The following WDR5 variants were observed in gnomAD, a reference collection of about 807,000 sequenced individuals.
WDR5 encodes WD repeat domain 5, also known as WD repeat-containing protein 5.
For missense variants in WDR5, 187 were observed against 416.9 expected (o/e 0.45, Z 4.80); for synonymous variants, 144 against 161.6 (o/e 0.89, Z 0.83).
chr9:134,143,954 C>A (rs911663291), intron 7 of WDR5, among the ~76,000 whole-genome samples: 1 of 152,184 alleles, frequency 6.6e-6, no homozygotes, highest in Non-Finnish European at 1.5e-5. Flanking sequence ...AGTTTCTTGG[C>A]CAATCCTGCC....
chr9:134,142,609 A>G (rs1381104722), intron 6 of WDR5, 27 bp from the exon 7 acceptor site: 8 of 1,613,404 alleles, frequency 5.0e-6, no homozygotes, highest in Middle Eastern at 1.6e-4. Context: ...CTTCCTGTAA[A>G]ATCACTGTCA....
intron 4 of WDR5, 47 bp from the exon 5 acceptor site, chr9:134,141,902 T>G (rs1831909932): frequency 6.4e-7 from 1 of 1,563,362 alleles, no homozygotes; most frequent in Admixed American, 1.7e-5. Context: ...TTGCCGATGG[T>G]CCTATTTTGT....
intron 1 of WDR5, 53 bp downstream of exon 1, chr9:134,136,253 G>A (rs1182504604): frequency 2.7e-5 from 4 of 148,806 alleles, no homozygotes; most frequent in African/African-American, 7.3e-5. Flanking sequence ...GCGGGGCGGC[G>A]CCAGAAGCTT....
At chr9:134,156,408 G>T (rs1043567111) in intron 12 of WDR5, 98 bp from the exon 13 acceptor site, 3 of 1,227,600 alleles carry the variant, frequency 2.4e-6, no homozygotes, top group African/African-American at 3.0e-5. Flanking sequence ...AGCAGGGTGG[G>T]CGTGGGGCAG....
chr9:134,142,754 G>A (rs116175364), intron 7 of WDR5, 35 bp downstream of exon 7: 23,459 of 1,604,990 alleles, frequency 0.015, 227 homozygotes, highest in Non-Finnish European at 0.017. Context: ...GTGGTGTCCA[G>A]CACTACGTTT....
At position 134,156,553 on chromosome 9, in the gene WDR5, T is replaced by C; in HGVS notation, c.864T>C (p.Leu288=). The change falls in exon 13 of 14, where the codon CTT becomes CTC. Residue 288 remains leucine (L), a synonymous_variant. Coordinates refer to ENST00000358625, the MANE Select transcript of WDR5 (RefSeq NM_017588.3). ...ATAACCTTGTTTACATCTGGAACCT[T>C]CAGACGAAAGAGATTGTACAGAAAC... ...SEDNLVYIWN[L]QTKEIVQKLQ... is the part of the protein sequence containing the mutation. 6.2e-7 allele frequency: 1 copy of C among 1,614,242 alleles called. No homozygotes were observed. The highest frequency in any genetic ancestry group is 8.5e-7 in the Non-Finnish European group (1 of 1,180,046).
At chr9:134,144,730 C>T (rs930781538) in intron 7 of WDR5, among the ~76,000 whole-genome samples, 3 of 152,020 alleles carry the variant, frequency 2.0e-5, no homozygotes, top group Non-Finnish European at 4.4e-5. Flanking sequence ...GTCCCAGCTA[C>T]TTGGAGGACG....
At chr9:134,155,194 T>A in intron 10 of WDR5, 146 bp from the exon 11 acceptor site, 1 of 951,276 alleles carries the variant, frequency 1.1e-6, no homozygotes, top group Non-Finnish European at 1.5e-6. Flanking sequence ...GAGGGGCTCC[T>A]TACCCTGATG....
chr9:134,155,564 G>T, intron 11 of WDR5, 129 bp from the exon 12 acceptor site: 1 of 1,258,156 alleles, frequency 7.9e-7, no homozygotes, highest in Non-Finnish European at 1.1e-6. Flanking sequence ...CTTCGATTGT[G>T]TGGGTTTGGT....
intron 7 of WDR5, among the ~76,000 whole-genome samples, chr9:134,147,647 C>T (rs1216177959): frequency 6.6e-6 from 1 of 152,124 alleles, no homozygotes; most frequent in Non-Finnish European, 1.5e-5. Flanking sequence ...CCTTGTGTGG[C>T]TTGATTTCAC....
intron 8 of WDR5, among the ~76,000 whole-genome samples, chr9:134,149,738 G>A (rs1168054890): frequency 6.6e-6 from 1 of 152,226 alleles, no homozygotes; most frequent in African/African-American, 2.4e-5. Flanking sequence ...CTTTGATGAG[G>A]CTAGTAATGA....
chr9:134,155,320 C>T lies in WDR5; in HGVS notation c.708-20C>T. The stretch of plus-strand genomic sequence containing the variant: ...GGATGCCTCCAGACATGCCGCCTCA[C>T]CCCTCTCTCTGTCTTGCAGCACTCT... On this transcript the variant is annotated intron_variant, in intron 10 of 13. Coordinates refer to ENST00000358625, the MANE Select transcript of WDR5 (RefSeq NM_017588.3). 1.9e-6 allele frequency: 3 copies of T among 1,590,230 alleles called. No individual in the cohort carries two copies. Among genetic ancestry groups the T allele is most frequent in the Non-Finnish European group, 2.6e-6 (3 of 1,170,156 alleles).
intron 8 of WDR5, among the ~76,000 whole-genome samples, chr9:134,149,446 C>T (rs1162565869): frequency 6.6e-6 from 1 of 152,188 alleles, no homozygotes; most frequent in African/African-American, 2.4e-5. Context: ...TACACTTGAC[C>T]ATTTACCAGC....
chr9:134,136,246 G>A (rs1465759378), intron 1 of WDR5, 46 bp downstream of exon 1: 2 of 148,670 alleles, frequency 1.3e-5, no homozygotes, highest in Admixed American at 6.7e-5. Context: ...GCGGGCAGCG[G>A]GGCGGCGCCA....
At chr9:134,146,043 C>G (rs1165672768) in intron 7 of WDR5, among the ~76,000 whole-genome samples, 1 of 151,464 alleles carries the variant, frequency 6.6e-6, no homozygotes, top group Non-Finnish European at 1.5e-5. Flanking sequence ...CAGCTCACTG[C>G]AAGCTCCACC....
At chr9:134,156,417 A>G in intron 12 of WDR5, 89 bp from the exon 13 acceptor site, 1 of 1,323,230 alleles carries the variant, frequency 7.6e-7, no homozygotes, top group Non-Finnish European at 1.1e-6. Flanking sequence ...GGCGTGGGGC[A>G]GGGCATAACT....
rs562072937 is a variant in WDR5 at position 134,139,957 on chromosome 9, A to G, written c.80A>G (p.Lys27Arg). Residue 27 changes from lysine to arginine, a missense_variant and splice_region_variant, in exon 2 of 14, where the codon AAG (lysine) becomes AGG (arginine). Lys to Arg is a conservative substitution (Grantham distance 26). Coordinates refer to ENST00000358625, the MANE Select transcript of WDR5 (RefSeq NM_017588.3). ...CCTTCGTCATCCGCCACTCAGAGCAAGGTGCGTGCCCAGGGGCCCCTTGGA... is the reference window on the plus strand; with the variant it reads ...CCTTCGTCATCCGCCACTCAGAGCAGGGTGCGTGCCCAGGGGCCCCTTGGA... Reference protein sequence around the residue: ...PTPSSSATQSKPTPVKPNYAL... With the variant: ...PTPSSSATQSRPTPVKPNYAL... 16 of 1,613,700 alleles carry G rather than the reference A, an allele frequency of 9.9e-6. No homozygotes were observed. The African/African-American group carries it at 2.1e-4, about 22-fold the overall frequency.
intron 7 of WDR5, among the ~76,000 whole-genome samples, chr9:134,145,096 G>GTTGTTTTTTTTTTTTTTT (rs1554726635): frequency 9.6e-6 from 1 of 104,664 alleles, no homozygotes; most frequent in African/African-American, 3.4e-5. Flanking sequence ...GTGGGGCTTT[G>GTTGTTTTTTTTTTTTTTT]TTTTTTTTTT....
rs550521154 is a variant in WDR5, at chr9:134,148,641, C to T, written c.584+298C>T. ...TAGACGCTGACGTGTGCTGTTCACA[C>T]GCTCGTGGAAAATGGGTGTTTGGAC... On this transcript the variant is annotated intron_variant, in intron 8 of 13. Coordinates refer to ENST00000358625, the MANE Select transcript of WDR5 (RefSeq NM_017588.3). Among the ~76,000 whole-genome samples the T allele has an allele frequency of 1.2e-4, 18 of 152,252 alleles. No homozygotes were observed. In the South Asian group the frequency reaches 2.1e-3, roughly 18 times the overall value.
Sources: gnomAD v4.1 joint callset for allele counts (sites outside exome capture counted in the v4.1 genomes callset) on GRCh38, gnomAD v4.1.1 for gene constraint, MANE v1.5 for transcripts, NCBI Gene and HGNC (gene_info 2026-07-23, HGNC 2026-07-21) for gene names.